Variants in ARMC12 observed in about 807,000 individuals in gnomAD.
ARMC12 encodes the protein armadillo repeat-containing protein 12.
A neutral mutation model predicts 37.4 loss-of-function variants in ARMC12; 25 were observed. That is an observed-to-expected ratio of 0.67 (90% CI 0.49 to 0.93). The LOEUF is 0.93. ARMC12 is among the 40% of genes least tolerant of loss of function. The pLI is 0.00. For missense variants in ARMC12, 384 were observed against 426.6 expected, an observed-to-expected ratio of 0.90 and a Z score of 0.88; for synonymous variants, 167 against 176.1, an observed-to-expected ratio of 0.95 and a Z score of 0.41.
chr6:35,737,414 C>G lies in ARMC12; in HGVS notation c.163+143C>G, dbSNP rs531140126. The G allele has an allele frequency of 1.3e-5, 21 of 1,601,748 alleles. No individual in the cohort carries two copies. In the South Asian group the frequency reaches 2.0e-4, roughly 15 times the overall value. On this transcript the variant is annotated intron_variant, in intron 1 of 5. Coordinates refer to ENST00000373866, the MANE Select transcript of ARMC12 (RefSeq NM_001286574.2). ...CTTGTCCATCTTCCTCAAGCCCACC[C>G]TGCAGCGTCCTAGGCAAGGCCCTGC... is the stretch of plus-strand genomic sequence containing the variant.
upstream of ARMC12, among the ~76,000 whole-genome samples, chr6:35,736,672 G>A (rs925943829): frequency 4.1e-4 from 62 of 151,894 alleles, no homozygotes; most frequent in Admixed American, 1.8e-3. Context: ...GTACAGTGGC[G>A]TGTCAGCTCA....
chr6:35,744,973 A>C (rs1445263851), intron 3 of ARMC12, among the ~76,000 whole-genome samples: 1 of 152,224 alleles, frequency 6.6e-6, no homozygotes, highest in African/African-American at 2.4e-5. Flanking sequence ...GACGATACCA[A>C]ATGCTGGCAA....
chr6:35,735,428 C>T (rs576600555), upstream of ARMC12: 3 of 152,486 alleles, frequency 2.0e-5, no homozygotes, highest in Non-Finnish European at 4.4e-5. This position sits in a 1 kb window ranked among gnomAD's most constrained non-coding sequence, Gnocchi z 4.0. Context: ...GAATGGCCAC[C>T]CAGGAGTGTT....
chr6:35,743,246 C>T (rs1767230848), intron 3 of ARMC12, among the ~76,000 whole-genome samples: 2 of 143,638 alleles, frequency 1.4e-5, no homozygotes, highest in African/African-American at 2.6e-5. Flanking sequence ...GACGGAGTTT[C>T]GCTCTTGTTG....
At position 35,748,568 on chromosome 6, in the gene ARMC12, C is replaced by A; in HGVS notation, c.721C>A (p.Pro241Thr). The A allele has an allele frequency of 6.5e-7, 1 of 1,542,978 alleles. No homozygotes were observed. ...CTCCAACTTCCTAAACCTGTTCCAG[C>A]CCACACAGTCAGGGAGTCTCCTGTA... The part of the protein sequence containing the change: ...VHSNFLNLFQ[P>T]TQSGSLLYEV... Residue 241 changes from proline to threonine, a missense_variant, in exon 6 of 6, where the codon CCC (proline) becomes ACC (threonine). Pro to Thr is a conservative substitution (Grantham distance 38, BLOSUM62 -1). Coordinates refer to ENST00000373866, the MANE Select transcript of ARMC12 (RefSeq NM_001286574.2).
At chr6:35,732,527 A>C (rs760160255), upstream of ARMC12, among the ~76,000 whole-genome samples, 1 of 152,032 alleles carries the variant, frequency 6.6e-6, no homozygotes, top group Non-Finnish European at 1.5e-5. Flanking sequence ...TTTTCACTGG[A>C]GTTTAGGGTA....
intron 3 of ARMC12, among the ~76,000 whole-genome samples, chr6:35,742,420 C>T (rs1409790463): frequency 1.4e-5 from 2 of 139,466 alleles, no homozygotes; most frequent in Middle Eastern, 3.8e-3. Flanking sequence ...CACTTGAACC[C>T]GGGAGGCAGA....
At chr6:35,737,721 T>G (rs1298156589) in intron 1 of ARMC12, among the ~76,000 whole-genome samples, 1 of 152,226 alleles carries the variant, frequency 6.6e-6, no homozygotes, top group East Asian at 1.9e-4. Context: ...TATTGCCATC[T>G]GCTGGAATAT....
chr6:35,745,489 T>C (rs1767309236), intron 3 of ARMC12, among the ~76,000 whole-genome samples: 1 of 151,920 alleles, frequency 6.6e-6, no homozygotes, highest in East Asian at 1.9e-4. Context: ...CAGGTGGGAG[T>C]GAGTCTAAAG....
chr6:35,738,255 T>C, intron 2 of ARMC12, 83 bp downstream of exon 2: 1 of 1,159,200 alleles, frequency 8.6e-7, no homozygotes, highest in Middle Eastern at 3.0e-4. Flanking sequence ...GGCCAGACTA[T>C]ATCCTGGGAC....
At chr6:35,747,027 G>A (rs1767357564) in intron 3 of ARMC12, among the ~76,000 whole-genome samples, 1 of 127,402 alleles carries the variant, frequency 7.8e-6, no homozygotes, top group Non-Finnish European at 1.6e-5. Context: ...AAAAGAGGAG[G>A]TTGGGCAGAA....
chr6:35,739,585 G>A (rs1767103350), intron 3 of ARMC12, among the ~76,000 whole-genome samples: 1 of 152,178 alleles, frequency 6.6e-6, no homozygotes, highest in African/African-American at 2.4e-5. Context: ...TCCTAAATGG[G>A]TCCCATTAAG....
At chr6:35,732,201 C>G (rs1766850803), upstream of ARMC12, among the ~76,000 whole-genome samples, 1 of 152,160 alleles carries the variant, frequency 6.6e-6, no homozygotes, top group Admixed American at 6.5e-5. Flanking sequence ...ACCCGGAGGC[C>G]CCAGGATCTG....
upstream of ARMC12, chr6:35,735,286 T>G (rs1766931206): frequency 6.6e-6 from 1 of 152,442 alleles, no homozygotes; most frequent in Non-Finnish European, 1.5e-5. The surrounding 1 kb of genome is among the most constrained non-coding windows in gnomAD (Gnocchi z 4.0). Context: ...GCGATGGGGT[T>G]GCATGGCAGT....
At chr6:35,732,009 G>C in the ARMC12 span, among the ~76,000 whole-genome samples, 1 of 152,164 alleles carries the variant, frequency 6.6e-6, no homozygotes, top group Non-Finnish European at 1.5e-5. Context: ...GAGCGGGGAC[G>C]GGAGCGAAAG....
intron 3 of ARMC12, among the ~76,000 whole-genome samples, chr6:35,739,656 T>A (rs1204270645): frequency 6.6e-6 from 1 of 152,216 alleles, no homozygotes; most frequent in Non-Finnish European, 1.5e-5. Flanking sequence ...AAACTCCTGG[T>A]GGGCTTTTGT....
At chr6:35,738,770 T>C (rs1581921836) in intron 3 of ARMC12, among the ~76,000 whole-genome samples, 1 of 151,942 alleles carries the variant, frequency 6.6e-6, no homozygotes, top group Non-Finnish European at 1.5e-5. Context: ...CCCCACAAGC[T>C]CCCTACCACT....
At chr6:35,744,351 A>G (rs1004509720) in intron 3 of ARMC12, among the ~76,000 whole-genome samples, 2 of 152,034 alleles carry the variant, frequency 1.3e-5, no homozygotes, top group Admixed American at 1.3e-4. Flanking sequence ...CATGTTGGCC[A>G]GGATGGTCTC....
At position 35,747,589 on chromosome 6, in the gene ARMC12, G is replaced by C. The variant is rs200319789; in HGVS notation, c.632G>C (p.Arg211Pro). The change falls in exon 5 of 6, where the codon CGA becomes CCA. Residue 211 changes from arginine (R) to proline (P), a missense_variant. Physicochemically the swap from Arg to Pro is moderately radical, Grantham distance 103. Coordinates refer to ENST00000373866, the MANE Select transcript of ARMC12 (RefSeq NM_001286574.2). ...DYILAQVQAV[R>P]LLSYLAQKND... ...TCCTTTATTCAGGTGCAAGCCGTACGACTGCTGAGCTACCTGGCACAGAAG... is the reference window on the plus strand; with the variant it reads ...TCCTTTATTCAGGTGCAAGCCGTACCACTGCTGAGCTACCTGGCACAGAAG... The C allele has an allele frequency of 6.2e-7, 1 of 1,614,164 alleles. No individual in the cohort carries two copies. The highest frequency in any genetic ancestry group is 8.5e-7 in the Non-Finnish European group (1 of 1,180,032).
Sources: allele counts gnomAD v4.1 joint callset (sites outside exome capture counted in the v4.1 genomes callset), GRCh38; gene constraint gnomAD v4.1.1; non-coding constraint Gnocchi (gnomAD v3.1); transcripts MANE v1.5; gene names NCBI Gene and HGNC (gene_info 2026-07-23, HGNC 2026-07-21).